Variants in ARMH3 observed in about 807,000 individuals in gnomAD.
ARMH3 encodes armadillo-like helical domain-containing protein 3.
In ARMH3, 60 loss-of-function variants were observed where a neutral mutation model predicts 99.1. That is an observed-to-expected ratio of 0.61 (90% confidence interval 0.49 to 0.75). The LOEUF (loss-of-function observed/expected upper bound fraction) is 0.75, where lower values mean the gene tolerates loss of function less well. Among genes scored for constraint, ARMH3 ranks in the 30% least tolerant of loss-of-function variants. ARMH3 has a pLI of 0.00. For missense variants in ARMH3, 679 were observed against 843.1 expected, an observed-to-expected ratio of 0.81 and a Z score of 2.41; for synonymous variants, 285 against 292.8, an observed-to-expected ratio of 0.97 and a Z score of 0.27.
chr10:101,988,922 C>CAAAAAAAAAAAAAAAAAAAAAAAAAAA (rs35605193), intron 19 of ARMH3, among the ~76,000 whole-genome samples: 1 of 56,580 alleles, frequency 1.8e-5, no homozygotes, highest in Non-Finnish European at 3.3e-5. Flanking sequence ...GACTCTGTCT[C>CAAAAAAAAAAAAAAAAAAAAAAAAAAA]AAAAAAAAAA....
At chr10:101,894,870 C>CAAAA (rs140398612) in intron 23 of ARMH3, among the ~76,000 whole-genome samples, 1 of 86,422 alleles carries the variant, frequency 1.2e-5, no homozygotes. Flanking sequence ...GAAACTCTGC[C>CAAAA]AAAAAAAAAA....
intron 24 of ARMH3, among the ~76,000 whole-genome samples, chr10:101,855,475 C>T (rs1425928995): frequency 6.7e-6 from 1 of 150,330 alleles, no homozygotes; most frequent in Non-Finnish European, 1.5e-5. Context: ...TTTGGGAGGC[C>T]GAGGTGGGAG....
intron 19 of ARMH3, among the ~76,000 whole-genome samples, chr10:101,978,619 A>G (rs1846106564): frequency 6.6e-6 from 1 of 152,098 alleles, no homozygotes; most frequent in Non-Finnish European, 1.5e-5. Context: ...GGAACAAAGC[A>G]GAATCCCATG....
intron 15 of ARMH3, among the ~76,000 whole-genome samples, chr10:101,996,827 T>C (rs982287130): frequency 6.6e-6 from 1 of 152,202 alleles, no homozygotes; most frequent in Non-Finnish European, 1.5e-5. Context: ...TGAATCAACT[T>C]TAAGTCTATG....
chr10:102,021,938 C>T (rs796175187), intron 8 of ARMH3, among the ~76,000 whole-genome samples: 48 of 152,298 alleles, frequency 3.2e-4, no homozygotes, highest in African/African-American at 1.1e-3. Context: ...GATCCTCCCA[C>T]CTCAGCCTCC....
chr10:101,890,872 AT>A (rs1313468909), intron 23 of ARMH3, among the ~76,000 whole-genome samples: 1,587 of 130,898 alleles, frequency 0.012, 4 homozygotes, highest in African/African-American at 0.026. Context: ...CCTGACTGGT[AT>A]TTTTTTTTTT....
chr10:101,987,143 A>C (rs1846548108), intron 19 of ARMH3, among the ~76,000 whole-genome samples: 1 of 152,112 alleles, frequency 6.6e-6, no homozygotes, highest in Non-Finnish European at 1.5e-5. Context: ...CCCCACCTTC[A>C]ACTGTTCCTC....
chr10:101,898,548 C>T (rs527771582), intron 23 of ARMH3, among the ~76,000 whole-genome samples: 1 of 152,244 alleles, frequency 6.6e-6, no homozygotes, highest in South Asian at 2.1e-4. Context: ...ACTGAGATAC[C>T]TGAAGGAAGC....
intron 1 of ARMH3, among the ~76,000 whole-genome samples, chr10:102,047,117 T>C (rs549177483): frequency 8.5e-5 from 13 of 152,352 alleles, no homozygotes; most frequent in African/African-American, 2.2e-4. Flanking sequence ...GTCAAGTTGA[T>C]AGATGTATCC....
At position 102,009,436 on chromosome 10, in the gene ARMH3, T is replaced by C. The variant is rs566699129; in HGVS notation, c.892A>G (p.Ile298Val). 1 of 1,613,942 alleles carries C rather than the reference T, an allele frequency of 6.2e-7. No individual in the cohort carries two copies. The highest frequency in any genetic ancestry group is 8.5e-7 in the Non-Finnish European group (1 of 1,179,838). The stretch of plus-strand genomic sequence containing the variant: ...ACAGCTTCATAAAGTGCCAGAAGAA[T>C]GGCCTCATTGGTTCTAAAGAAAAAG... ...EKISVQTNEAILLALYEAVHL... is the reference protein window; with the variant it reads ...EKISVQTNEAVLLALYEAVHL... The change falls in exon 13 of 26, where the codon ATT becomes GTT. Residue 298 changes from isoleucine (I) to valine (V), a missense_variant. Ile to Val is a conservative substitution (Grantham distance 29). Transcript: ENST00000370033.
At chr10:101,916,931 C>A (rs1196504543) in intron 23 of ARMH3, among the ~76,000 whole-genome samples, 1 of 152,164 alleles carries the variant, frequency 6.6e-6, no homozygotes, top group East Asian at 1.9e-4. Context: ...TTTTTGGACT[C>A]TAGGACTTAC....
chr10:101,931,118 AG>A (rs1400956810), intron 23 of ARMH3, among the ~76,000 whole-genome samples: 2 of 152,238 alleles, frequency 1.3e-5, no homozygotes, highest in Non-Finnish European at 2.9e-5. Context: ...AGAAACAAAA[AG>A]GAATGGAAAT....
chr10:101,938,431 C>T (rs1844088801), intron 23 of ARMH3, among the ~76,000 whole-genome samples: 1 of 152,036 alleles, frequency 6.6e-6, no homozygotes, highest in African/African-American at 2.4e-5. Flanking sequence ...CAGACAGCAG[C>T]CAAGCCAGAA....
At chr10:101,988,816 G>A (rs563520346) in intron 19 of ARMH3, among the ~76,000 whole-genome samples, 8 of 151,622 alleles carry the variant, frequency 5.3e-5, no homozygotes, top group South Asian at 2.1e-4. Flanking sequence ...CCAGCTACTC[G>A]GGAAGCTGAG....
intron 15 of ARMH3, among the ~76,000 whole-genome samples, chr10:101,998,613 A>G (rs1237801488): frequency 6.6e-6 from 1 of 152,148 alleles, no homozygotes; most frequent in Non-Finnish European, 1.5e-5. Flanking sequence ...TGCTCTGGCA[A>G]TTCTTCATTT....
At chr10:102,052,376 G>A (rs2067728511) in intron 1 of ARMH3, among the ~76,000 whole-genome samples, 1 of 151,930 alleles carries the variant, frequency 6.6e-6, no homozygotes, top group Non-Finnish European at 1.5e-5. Context: ...GGCTCACACT[G>A]CCACACCCGG....
At chr10:101,943,437 CA>C (rs75254354) in intron 22 of ARMH3, among the ~76,000 whole-genome samples, 31,928 of 152,046 alleles carry the variant, frequency 0.21, 3,710 homozygotes, top group East Asian at 0.52. Flanking sequence ...TGTAATGGGA[CA>C]AATTAGCCTA....
chr10:101,867,589 T>G (rs2067033683), intron 24 of ARMH3, among the ~76,000 whole-genome samples: 1 of 152,020 alleles, frequency 6.6e-6, no homozygotes, highest in Non-Finnish European at 1.5e-5. Context: ...TCCCTGCACT[T>G]TGGGAGGTCA....
intron 23 of ARMH3, among the ~76,000 whole-genome samples, chr10:101,897,108 T>C (rs938591009): frequency 4.6e-5 from 7 of 152,184 alleles, no homozygotes; most frequent in African/African-American, 1.7e-4. Flanking sequence ...GCCCACATTA[T>C]TCAGGGAAAC....
Sources: gnomAD v4.1 joint callset for allele counts (sites outside exome capture counted in the v4.1 genomes callset) on GRCh38, gnomAD v4.1.1 for gene constraint, MANE v1.5 for transcripts, NCBI Gene and HGNC (gene_info 2026-07-23, HGNC 2026-07-21) for gene names.